NXPE2: variants seen among roughly 807,000 people sequenced by gnomAD.
NXPE2 encodes NXPE family member 2.
Under a neutral mutation model 34.4 loss-of-function variants are expected in NXPE2, and 34 were observed. The ratio of observed to expected loss-of-function variants is 0.99; its 90% confidence interval spans 0.75 to 1.31. NXPE2 has a LOEUF of 1.31. NXPE2 is among the 40% of genes most tolerant of loss of function. NXPE2 has a pLI of 0.00. For missense variants in NXPE2, 649 were observed against 672.5 expected (o/e 0.97, Z 0.39); for synonymous variants, 235 against 231.3 (o/e 1.02, Z -0.15).
chr11:114,658,171 C>T, the NXPE2 span, among the ~76,000 whole-genome samples: 23 of 152,126 alleles, frequency 1.5e-4, no homozygotes, highest in Non-Finnish European at 3.1e-4. Context: ...AAATTGAGGT[C>T]ACAGGCCAAC....
chr11:114,469,638 C>A, the NXPE2 span, among the ~76,000 whole-genome samples: 4 of 151,394 alleles, frequency 2.6e-5, no homozygotes, highest in South Asian at 2.1e-4. Flanking sequence ...TACATGCACC[C>A]CCCCCACCAC....
chr11:114,608,843 G>T, the NXPE2 span, among the ~76,000 whole-genome samples: 4 of 151,290 alleles, frequency 2.6e-5, no homozygotes, highest in Non-Finnish European at 5.9e-5. Flanking sequence ...TGGATAATAA[G>T]TGTTGCCTTG....
intron 2 of NXPE2, among the ~76,000 whole-genome samples, chr11:114,691,277 G>C (rs1301971431): frequency 6.6e-6 from 1 of 151,200 alleles, no homozygotes; most frequent in Non-Finnish European, 1.5e-5. Context: ...TTTTTTTCTT[G>C]GGGGTATGGC....
At chr11:114,630,076 C>T in the NXPE2 span, among the ~76,000 whole-genome samples, 13 of 151,508 alleles carry the variant, frequency 8.6e-5, no homozygotes, top group Admixed American at 6.6e-4. Flanking sequence ...GAATCAATAT[C>T]GTGAAAATGG....
the NXPE2 span, among the ~76,000 whole-genome samples, chr11:114,597,156 A>G: frequency 1.3e-5 from 2 of 152,244 alleles, no homozygotes; most frequent in Non-Finnish European, 2.9e-5. Context: ...TAACCCTGGT[A>G]TAACCACTAA....
chr11:114,692,819 TG>T (rs1312259963), intron 2 of NXPE2, among the ~76,000 whole-genome samples: 1 of 152,224 alleles, frequency 6.6e-6, no homozygotes, highest in Non-Finnish European at 1.5e-5. Flanking sequence ...TTTCTTTTTT[TG>T]TTTTGAGATA....
chr11:114,775,522 TGCACAGG>T, the NXPE2 span, among the ~76,000 whole-genome samples: 1 of 152,100 alleles, frequency 6.6e-6, no homozygotes, highest in Non-Finnish European at 1.5e-5. Context: ...CCTTTCAGGG[TGCACAGG>T]GCACAGGGAG....
At chr11:114,499,179 A>C in the NXPE2 span, among the ~76,000 whole-genome samples, 1 of 152,096 alleles carries the variant, frequency 6.6e-6, no homozygotes, top group Admixed American at 6.6e-5. Context: ...ACTGTGTTTA[A>C]ATTTCTTACA....
At chr11:114,691,411 A>G (rs189766381) in intron 2 of NXPE2, among the ~76,000 whole-genome samples, 2 of 152,000 alleles carry the variant, frequency 1.3e-5, no homozygotes, top group Admixed American at 1.3e-4. Context: ...TGCTTTTTGT[A>G]GCAATGTGGT....
the NXPE2 span, among the ~76,000 whole-genome samples, chr11:114,563,485 C>A: frequency 6.6e-6 from 1 of 152,056 alleles, no homozygotes; most frequent in East Asian, 1.9e-4. Flanking sequence ...TAATTAACTC[C>A]TAAAAAGCTT....
chr11:114,499,133 G>A, the NXPE2 span, among the ~76,000 whole-genome samples: 3 of 151,994 alleles, frequency 2.0e-5, no homozygotes, highest in South Asian at 2.1e-4. Flanking sequence ...AAAATCACAC[G>A]TCTCATCCTT....
the NXPE2 span, among the ~76,000 whole-genome samples, chr11:114,618,051 C>A: frequency 1.3e-5 from 2 of 151,984 alleles, no homozygotes; most frequent in African/African-American, 4.8e-5. Flanking sequence ...ACAACTCTTA[C>A]CCTGTGGATA....
chr11:114,549,578 G>A, the NXPE2 span, among the ~76,000 whole-genome samples: 5 of 151,984 alleles, frequency 3.3e-5, no homozygotes, highest in Admixed American at 2.6e-4. Context: ...AGAAATTTAT[G>A]GATTTCCTCT....
chr11:114,557,393 C>T, the NXPE2 span, among the ~76,000 whole-genome samples: 1 of 151,884 alleles, frequency 6.6e-6, no homozygotes, highest in Non-Finnish European at 1.5e-5. Flanking sequence ...GAAAACTGTA[C>T]TCCATTTACA....
the NXPE2 span, chr11:114,551,079 G>T: frequency 7.9e-6 from 10 of 1,272,806 alleles, no homozygotes; most frequent in Non-Finnish European, 1.1e-5. Context: ...TGTGTGATCT[G>T]CATCAAAGGT....
the NXPE2 span, among the ~76,000 whole-genome samples, chr11:114,589,712 C>T: frequency 1.3e-5 from 2 of 152,108 alleles, no homozygotes; most frequent in African/African-American, 4.8e-5. Context: ...TCCTAATGAT[C>T]CCACTTTTTT....
chr11:114,485,951 C>A, the NXPE2 span, among the ~76,000 whole-genome samples: 4 of 152,174 alleles, frequency 2.6e-5, no homozygotes, highest in Non-Finnish European at 5.9e-5. Flanking sequence ...CTGCAATAAA[C>A]ATGAGAGTGC....
At chr11:114,673,739 T>C (rs945132532), upstream of NXPE2, among the ~76,000 whole-genome samples, 2 of 151,860 alleles carry the variant, frequency 1.3e-5, no homozygotes, top group African/African-American at 4.8e-5. Context: ...GCTTTCCTTT[T>C]GTTCCCAAAG....
At chr11:114,797,530 G>C in the NXPE2 span, among the ~76,000 whole-genome samples, 10 of 152,112 alleles carry the variant, frequency 6.6e-5, no homozygotes, top group African/African-American at 2.4e-4. Flanking sequence ...CCTCCCTCCT[G>C]TATTTATGGC....
Sources: allele counts gnomAD v4.1 joint callset (sites outside exome capture counted in the v4.1 genomes callset), GRCh38; gene constraint gnomAD v4.1.1; transcripts MANE v1.5; gene names NCBI Gene and HGNC (gene_info 2026-07-23, HGNC 2026-07-21).